The following KIAA1549L variants were observed in gnomAD, a reference collection of about 807,000 sequenced individuals.
KIAA1549L encodes UPF0606 protein KIAA1549L.
Under a neutral mutation model 160.7 loss-of-function variants are expected in KIAA1549L, and 88 were observed. The ratio of observed to expected loss-of-function variants is 0.55; its 90% CI spans 0.46 to 0.65. The LOEUF is 0.65. Among genes scored for constraint, KIAA1549L ranks in the 30% least tolerant of loss-of-function variants. KIAA1549L has a pLI of 0.00. For missense variants in KIAA1549L, 2,258 were observed against 2,437.5 expected (o/e 0.93, Z 1.55); for synonymous variants, 950 against 976.7 (o/e 0.97, Z 0.51).
intron 16 of KIAA1549L, among the ~76,000 whole-genome samples, chr11:33,620,798 G>GCAT (rs1219073961): frequency 2.6e-5 from 4 of 151,896 alleles, no homozygotes; most frequent in African/African-American, 9.7e-5. Flanking sequence ...GGGCTCACAA[G>GCAT]CATTCTTACA....
At chr11:33,603,439 G>GA (rs1284003003) in intron 13 of KIAA1549L, among the ~76,000 whole-genome samples, 1 of 152,088 alleles carries the variant, frequency 6.6e-6, no homozygotes, top group African/African-American at 2.4e-5. Flanking sequence ...AGAGATCTGG[G>GA]AAAAGGGCAT....
chr11:33,593,550 C>T (rs1370905650), intron 12 of KIAA1549L, among the ~76,000 whole-genome samples: 4 of 152,132 alleles, frequency 2.6e-5, no homozygotes, highest in South Asian at 2.1e-4. Flanking sequence ...AGGCTACTGC[C>T]GTGACCTAGG....
intron 1 of KIAA1549L, among the ~76,000 whole-genome samples, chr11:33,397,917 CT>C (rs67993981): frequency 0.17 from 19,081 of 115,220 alleles, 772 homozygotes; most frequent in African/African-American, 0.32. Flanking sequence ...GGTGGTTGGC[CT>C]TTTTTTTTTT....
intron 1 of KIAA1549L, chr11:33,450,564 AAACAACAAC>A (rs67487919): frequency 2.8e-5 from 4 of 145,060 alleles, no homozygotes; most frequent in East Asian, 2.1e-4. Context: ...CCTGTCTCTT[AAACAACAAC>A]AACAACAACA....
At chr11:33,397,231 G>A (rs1261219275) in intron 1 of KIAA1549L, among the ~76,000 whole-genome samples, 4 of 146,942 alleles carry the variant, frequency 2.7e-5, no homozygotes, top group Non-Finnish European at 6.0e-5. Flanking sequence ...CTACTTAGGA[G>A]GCTGAGGCAG....
chr11:33,450,555 CT>C (rs1186112793), intron 1 of KIAA1549L: 2 of 149,502 alleles, frequency 1.3e-5, no homozygotes, highest in African/African-American at 5.0e-5. Context: ...GTGAGACACC[CT>C]GTCTCTTAAA....
In KIAA1549L at chr11:33,561,692, C is replaced by T. The variant is rs774984654; in HGVS notation, c.4035C>T (p.Asn1345=). 4 of 1,609,308 alleles carry T rather than the reference C, an allele frequency of 2.5e-6. No homozygotes were observed. The South Asian group carries it at 3.3e-5, about 13-fold the overall frequency. Reference sequence around the variant, plus strand: ...TTGTTTTAGCACTGGAATATCCCAACCTTGACATATCAGAAACAACCAGAG... The same window carrying T: ...TTGTTTTAGCACTGGAATATCCCAATCTTGACATATCAGAAACAACCAGAG... ...LTIAEPLEYP[N]LDISETTRDY... The change falls in exon 8 of 21, where the codon AAC becomes AAT. Residue 1345 remains asparagine, a synonymous_variant. Coordinates refer to ENST00000658780, the MANE Select transcript of KIAA1549L (RefSeq NM_012194.3).
intron 1 of KIAA1549L, among the ~76,000 whole-genome samples, chr11:33,416,714 T>C (rs1192315291): frequency 6.6e-6 from 1 of 152,310 alleles, no homozygotes; most frequent in Admixed American, 6.5e-5. Flanking sequence ...GGGACATCCG[T>C]GATTCAAAAC....
chr11:33,424,422 T>TGCAC (rs1851078145), intron 1 of KIAA1549L, among the ~76,000 whole-genome samples: 1 of 152,168 alleles, frequency 6.6e-6, no homozygotes, highest in Non-Finnish European at 1.5e-5. Flanking sequence ...CACCTTGCAG[T>TGCAC]CTTAATTTGG....
Position 33,656,117 on chromosome 11 carries a change from G to C in KIAA1549L, c.5858+8G>C, listed in dbSNP as rs563240806. The C allele has an allele frequency of 6.2e-7, 1 of 1,605,082 alleles. No individual in the cohort carries two copies. Among genetic ancestry groups the C allele is most frequent in the African/African-American group, 1.3e-5 (1 of 74,836 alleles). ...TGTCGCTTCTCTCAGGCGGTAACAC[G>C]TTCCTTTCTTTGTTTTGTTTGGAAT... is the stretch of plus-strand genomic sequence containing the variant. On this transcript the variant is annotated splice_region_variant and intron_variant, in intron 18 of 20. Coordinates refer to ENST00000658780, the MANE Select transcript of KIAA1549L (RefSeq NM_012194.3).
intron 1 of KIAA1549L, among the ~76,000 whole-genome samples, chr11:33,406,179 T>C (rs959070159): frequency 6.6e-6 from 1 of 152,196 alleles, no homozygotes; most frequent in African/African-American, 2.4e-5. Flanking sequence ...GTTGTGAATA[T>C]AACAAAGGCA....
chr11:33,608,056 CTT>C (rs1209788955), intron 14 of KIAA1549L, among the ~76,000 whole-genome samples: 1 of 152,138 alleles, frequency 6.6e-6, no homozygotes, highest in African/African-American at 2.4e-5. Context: ...CCTTTCCTCT[CTT>C]TTACTTACTA....
rs371851319 is a variant in KIAA1549L at position 33,544,869 on chromosome 11, A to G, written c.2876A>G (p.Lys959Arg). 2.2e-5 allele frequency: 35 copies of G among 1,613,618 alleles called. No individual in the cohort carries two copies. In the African/African-American group the frequency reaches 4.7e-4, roughly 21 times the overall value. The change falls in exon 3 of 21, where the codon AAG becomes AGG. Residue 959 changes from lysine to arginine, a missense_variant. Coordinates refer to ENST00000658780, the MANE Select transcript of KIAA1549L (RefSeq NM_012194.3). ...GCACTGTCTGCAGCCCTGGTTGCTA[A>G]GGGCACCAGCAGCAGCCCTTTGGCC... ...PPALSAALVA[K>R]GTSSSPLAVA... is the part of the protein sequence containing the mutation.
chr11:33,431,170 T>C (rs1167950274), intron 1 of KIAA1549L, among the ~76,000 whole-genome samples: 5 of 152,050 alleles, frequency 3.3e-5, no homozygotes, highest in Non-Finnish European at 7.4e-5. Flanking sequence ...GCTGCAGATC[T>C]TCGCGGTGAG....
intron 6 of KIAA1549L, 78 bp from the exon 7 acceptor site, chr11:33,559,671 C>G (rs1854771922): frequency 8.0e-7 from 1 of 1,254,978 alleles, no homozygotes. Context: ...CTTAGCCTCC[C>G]CCTCCCATGG....
At chr11:33,597,737 G>A (rs1190021751) in intron 12 of KIAA1549L, among the ~76,000 whole-genome samples, 2 of 152,174 alleles carry the variant, frequency 1.3e-5, no homozygotes, top group Admixed American at 1.3e-4. Context: ...AAGGAAAGAA[G>A]GCTCTGTGAC....
intron 12 of KIAA1549L, among the ~76,000 whole-genome samples, chr11:33,593,565 A>G (rs1590378148): frequency 1.3e-5 from 2 of 152,316 alleles, no homozygotes; most frequent in South Asian, 4.2e-4. Flanking sequence ...CCTAGGTGAG[A>G]GACGATCGTG....
chr11:33,425,249 CTCT>C (rs1270189608), intron 1 of KIAA1549L, among the ~76,000 whole-genome samples: 1 of 152,136 alleles, frequency 6.6e-6, no homozygotes, highest in Non-Finnish European at 1.5e-5. Context: ...TTTCTTACAG[CTCT>C]TCTTCTTGGT....
intron 1 of KIAA1549L, among the ~76,000 whole-genome samples, chr11:33,414,777 T>C (rs1351200886): frequency 6.6e-6 from 1 of 152,130 alleles, no homozygotes; most frequent in Non-Finnish European, 1.5e-5. Context: ...GAATAAATAA[T>C]GTGTTTTTAT....
Sources: gnomAD v4.1 joint callset for allele counts (sites outside exome capture counted in the v4.1 genomes callset) on GRCh38, gnomAD v4.1.1 for gene constraint, MANE v1.5 for transcripts, NCBI Gene and HGNC (gene_info 2026-07-23, HGNC 2026-07-21) for gene names.